WNT9A: variants seen among roughly 807,000 people sequenced by gnomAD.
WNT9A encodes Wnt family member 9A.
WNT9A carries 8 observed loss-of-function variants against 31.4 expected under a neutral mutation model. That is an observed-to-expected ratio of 0.26 (90% CI 0.15 to 0.46). The LOEUF (loss-of-function observed/expected upper bound fraction) is 0.46, where lower values mean the gene tolerates loss of function less well. Among genes scored for constraint, WNT9A ranks in the 20% least tolerant of loss-of-function variants. The probability of loss-of-function intolerance (pLI) is 0.99; values close to 1 mark genes in which losing one functional copy is unlikely to be tolerated. For missense variants in WNT9A, 457 were observed against 522.9 expected (o/e 0.87, Z 1.23); for synonymous variants, 236 against 220.1 (o/e 1.07, Z -0.64).
chr1:227,935,026 C>A (rs1666569122), intron 1 of WNT9A, among the ~76,000 whole-genome samples: 1 of 144,140 alleles, frequency 6.9e-6, no homozygotes, highest in Admixed American at 7.2e-5. Flanking sequence ...TGAGTCACAG[C>A]CTCAGTTCAC....
intron 1 of WNT9A, among the ~76,000 whole-genome samples, chr1:227,935,339 G>A (rs1666576374): frequency 1.3e-5 from 2 of 152,064 alleles, no homozygotes; most frequent in Admixed American, 6.5e-5. Flanking sequence ...AGTGGGGACT[G>A]TGACCCCAGT....
intron 1 of WNT9A, among the ~76,000 whole-genome samples, chr1:227,938,631 C>T (rs898925405): frequency 4.6e-5 from 7 of 151,942 alleles, no homozygotes; most frequent in Admixed American, 4.6e-4. Flanking sequence ...ATGCACATGT[C>T]CATCCAAACA....
intron 1 of WNT9A, among the ~76,000 whole-genome samples, chr1:227,943,236 G>A (rs777937364): frequency 6.6e-6 from 1 of 152,200 alleles, no homozygotes; most frequent in Non-Finnish European, 1.5e-5. Context: ...TAGGCAACGG[G>A]GGATGTCCTG....
At chr1:227,941,272 G>A (rs941645286) in intron 1 of WNT9A, among the ~76,000 whole-genome samples, 13 of 152,208 alleles carry the variant, frequency 8.5e-5, no homozygotes, top group African/African-American at 2.7e-4. Flanking sequence ...ACAGAATGCA[G>A]CTTGGAGAAG....
chr1:227,926,828 C>T lies in WNT9A; in HGVS notation c.96-1309G>A, dbSNP rs1048862459. The stretch of plus-strand genomic sequence containing the variant: ...CCCTGCTAGACCCTGCCACCCACCC[C>T]GAGGGAGTAGCTCCTGCCCAACGGT... On this transcript the variant is annotated intron_variant, in intron 1 of 3. Coordinates refer to ENST00000272164, the MANE Select transcript of WNT9A (RefSeq NM_003395.4). The surrounding 1 kb of genome is among the most constrained non-coding windows in gnomAD (Gnocchi z 5.0). Among the ~76,000 whole-genome samples, 16 of 152,172 alleles carry T rather than the reference C, an allele frequency of 1.1e-4. 1 individual carries two copies. Among genetic ancestry groups the T allele is most frequent in the African/African-American group, 2.2e-4 (9 of 41,532 alleles).
intron 3 of WNT9A, among the ~76,000 whole-genome samples, chr1:227,922,763 C>G (rs993897831): frequency 1.3e-5 from 2 of 152,208 alleles, no homozygotes; most frequent in Non-Finnish European, 2.9e-5. Context: ...ACTTAGGGCC[C>G]CACCTGCAAA....
At chr1:227,943,627 A>G (rs889297626) in intron 1 of WNT9A, among the ~76,000 whole-genome samples, 5 of 152,160 alleles carry the variant, frequency 3.3e-5, no homozygotes, top group Non-Finnish European at 7.4e-5. Flanking sequence ...GCCTTTCTGC[A>G]CTGCCGGCAG....
At position 227,942,255 on chromosome 1, in the gene WNT9A, G is replaced by A. The variant is rs1022721147; in HGVS notation, c.95+5538C>T. 1.3e-5 allele frequency among the ~76,000 whole-genome samples: 2 copies of A among 152,100 alleles called. No individual in the cohort carries two copies. The highest frequency in any genetic ancestry group is 2.4e-5 in the African/African-American group (1 of 41,426). On this transcript the variant is annotated intron_variant, in intron 1 of 3. Transcript: ENST00000272164. This position sits in a 1 kb window ranked among gnomAD's most constrained non-coding sequence, Gnocchi z 5.7. ...GTGGCAGGCCAGGCACTGCTGCTCC[G>A]TCCTTACCACACACCCTCCACACCC...
In WNT9A at chr1:227,924,383, A is replaced by G; in HGVS notation, c.370T>C (p.Phe124Leu). 6.2e-7 allele frequency: 1 copy of G among 1,611,104 alleles called. No individual in the cohort carries two copies. Among genetic ancestry groups the G allele is most frequent in the Non-Finnish European group, 8.5e-7 (1 of 1,177,828 alleles). ...CCAGCCGAGGAGATGGCATAGAGGA[A>G]GGCAGTCTCCTTGAAGCCTGGGGTT... ...LLKRGFKETA[F>L]LYAISSAGLT... is the part of the protein sequence containing the mutation. Residue 124 changes from phenylalanine to leucine, a missense_variant, in exon 3 of 4, where the codon TTC becomes CTC. Coordinates refer to ENST00000272164, the MANE Select transcript of WNT9A (RefSeq NM_003395.4).
intron 1 of WNT9A, among the ~76,000 whole-genome samples, chr1:227,940,091 G>T (rs149442380): frequency 1.4e-4 from 21 of 152,170 alleles, no homozygotes; most frequent in African/African-American, 4.8e-4. Flanking sequence ...TGAAAGCACC[G>T]TGTCCCATGG....
chr1:227,938,914 G>C (rs1458313125), intron 1 of WNT9A, among the ~76,000 whole-genome samples: 1 of 152,226 alleles, frequency 6.6e-6, no homozygotes, highest in African/African-American at 2.4e-5. Context: ...TGCAGAGGCA[G>C]GGCTGGGACC....
At chr1:227,946,285 C>T (rs779131761) in intron 1 of WNT9A, among the ~76,000 whole-genome samples, 3 of 152,236 alleles carry the variant, frequency 2.0e-5, no homozygotes, top group Non-Finnish European at 2.9e-5. Flanking sequence ...CAAGACCCAG[C>T]GCCACCCCGT....
At position 227,936,188 on chromosome 1, in the gene WNT9A, T is replaced by C. The variant is rs1013609342; in HGVS notation, c.96-10669A>G. ...CTTCAATCTTGTGCAGTTTTTCTTT[T>C]TCTTTTTCTTTTTTTTTTCAGACGG... On this transcript the variant is annotated intron_variant, in intron 1 of 3. Coordinates refer to ENST00000272164, the MANE Select transcript of WNT9A (RefSeq NM_003395.4). 4.0e-5 allele frequency among the ~76,000 whole-genome samples: 6 copies of C among 151,490 alleles called. No homozygotes were observed. In the South Asian group the frequency reaches 1.2e-3, roughly 31 times the overall value.
chr1:227,945,732 C>T (rs58696607), intron 1 of WNT9A, among the ~76,000 whole-genome samples: 1,898 of 152,246 alleles, frequency 0.012, 14 homozygotes, highest in African/African-American at 0.021. Flanking sequence ...CTGGGCCACC[C>T]CCTGCCTTTG....
chr1:227,927,411 T>C (rs903561320), intron 1 of WNT9A, among the ~76,000 whole-genome samples: 1 of 152,116 alleles, frequency 6.6e-6, no homozygotes, highest in Non-Finnish European at 1.5e-5. Flanking sequence ...GCCTGGACAC[T>C]GCCGTGGGCT....
rs1666530171 is a variant in WNT9A, at chr1:227,932,522, G to T, written c.96-7003C>A. Among the ~76,000 whole-genome samples, 2 of 152,140 alleles carry T rather than the reference G, an allele frequency of 1.3e-5. 1 individual carries two copies. Among genetic ancestry groups the T allele is most frequent in the South Asian group, 4.1e-4 (2 of 4,824 alleles). ...GTTTTGACCTCCTCCCACGAATCAT[G>T]AATGTTTTTAAGGCATCTAGAATGG... On this transcript the variant is annotated intron_variant, in intron 1 of 3. Transcript: ENST00000272164.
intron 3 of WNT9A, 99 bp from the exon 4 acceptor site, chr1:227,922,099 C>G (rs553586638): frequency 1.3e-6 from 2 of 1,487,492 alleles, no homozygotes; most frequent in Admixed American, 2.3e-5. Context: ...CCCACACCCC[C>G]ACCCAGGCCC....
chr1:227,946,126 C>T (rs1666789224), intron 1 of WNT9A, among the ~76,000 whole-genome samples: 1 of 152,212 alleles, frequency 6.6e-6, no homozygotes, highest in Non-Finnish European at 1.5e-5. Context: ...CCAGAGAAGC[C>T]ACAACAGCAC....
At position 227,921,822 on chromosome 1, in the gene WNT9A, C is replaced by T. The variant is rs762050387; in HGVS notation, c.794G>A (p.Gly265Asp). 2 of 1,612,880 alleles carry T rather than the reference C, an allele frequency of 1.2e-6. No homozygotes were observed. Among genetic ancestry groups the T allele is most frequent in the African/African-American group, 2.7e-5 (2 of 74,932 alleles). ...STTNEAAGEA[G>D]AISPPRGRAS... is the part of the protein sequence containing the mutation. ...ACGGCCCCGTGGTGGGGAGATGGCACCTGCCTCGCCGGCAGCTTCATTGGT... is the reference window on the plus strand; with the variant it reads ...ACGGCCCCGTGGTGGGGAGATGGCATCTGCCTCGCCGGCAGCTTCATTGGT... Residue 265 changes from glycine (G) to aspartate (D), a missense_variant, in exon 4 of 4, where the codon GGT becomes GAT. Coordinates refer to ENST00000272164, the MANE Select transcript of WNT9A (RefSeq NM_003395.4).
Sources: allele counts gnomAD v4.1 joint callset (sites outside exome capture counted in the v4.1 genomes callset), GRCh38; gene constraint gnomAD v4.1.1; non-coding constraint Gnocchi (gnomAD v3.1); transcripts MANE v1.5; gene names NCBI Gene and HGNC (gene_info 2026-07-23, HGNC 2026-07-21).